GALNT17: variants seen among roughly 807,000 people sequenced by gnomAD.
GALNT17 encodes the protein polypeptide N-acetylgalactosaminyltransferase 17.
GALNT17 carries 29 observed loss-of-function variants against 63.7 expected under a neutral mutation model. The ratio of observed to expected loss-of-function variants is 0.46; its 90% CI spans 0.34 to 0.62. The LOEUF is 0.62. Ranked by LOEUF, GALNT17 falls within the 20% of genes least tolerant of loss-of-function variation. The pLI is 0.01. For missense variants in GALNT17, 603 were observed against 799.6 expected, an observed-to-expected ratio of 0.75 and a Z score of 2.97; for synonymous variants, 305 against 318.3, an observed-to-expected ratio of 0.96 and a Z score of 0.45.
At chr7:71,673,872 G>A (rs1305171050) in intron 8 of GALNT17, among the ~76,000 whole-genome samples, 2 of 152,152 alleles carry the variant, frequency 1.3e-5, no homozygotes, top group Non-Finnish European at 1.5e-5. Context: ...TCCCACTTCC[G>A]CCTCCCGAGT....
intron 5 of GALNT17, among the ~76,000 whole-genome samples, chr7:71,459,755 C>G (rs1232162762): frequency 2.0e-5 from 3 of 152,026 alleles, no homozygotes; most frequent in Non-Finnish European, 4.4e-5. Context: ...TTCTCTAGGC[C>G]CTCCCTATCC....
chr7:71,399,275 C>T (rs2960881), intron 3 of GALNT17, among the ~76,000 whole-genome samples: 117,205 of 152,056 alleles, frequency 0.77, 45,431 homozygotes, highest in African/African-American at 0.81. Context: ...AGGAATTTAC[C>T]GATCAGTTTC....
At chr7:71,558,918 A>G (rs563751742) in intron 5 of GALNT17, among the ~76,000 whole-genome samples, 2 of 152,318 alleles carry the variant, frequency 1.3e-5, no homozygotes, top group East Asian at 3.9e-4. Context: ...TTTTTTCTGC[A>G]TCTGTGAAAA....
intron 5 of GALNT17, among the ~76,000 whole-genome samples, chr7:71,441,593 C>G (rs751987380): frequency 1.3e-5 from 2 of 152,078 alleles, no homozygotes; most frequent in Non-Finnish European, 2.9e-5. Context: ...AGGTTTTAAG[C>G]CCTGCATGCA....
At chr7:71,431,402 G>T (rs2116487991) in intron 5 of GALNT17, among the ~76,000 whole-genome samples, 1 of 151,680 alleles carries the variant, frequency 6.6e-6, no homozygotes, top group East Asian at 1.9e-4. Flanking sequence ...ATAGAGATGG[G>T]TTTTGCCATG....
At chr7:71,242,427 C>G (rs912977107) in intron 1 of GALNT17, among the ~76,000 whole-genome samples, 8 of 151,778 alleles carry the variant, frequency 5.3e-5, no homozygotes, top group Non-Finnish European at 8.8e-5. Flanking sequence ...TACCACCACG[C>G]CCGGCTAATT....
intron 1 of GALNT17, among the ~76,000 whole-genome samples, chr7:71,233,539 A>G (rs1789832114): frequency 6.6e-6 from 1 of 152,198 alleles, no homozygotes; most frequent in Non-Finnish European, 1.5e-5. Context: ...TGATCTGTGC[A>G]AGAGTTCCCT....
In GALNT17 at chr7:71,616,516, T is replaced by C. The variant is rs140469560; in HGVS notation, c.1080+45114T>C. The stretch of plus-strand genomic sequence containing the variant: ...ATAACTAATATATAAATATTTGATA[T>C]GTTAATACATTATATGTAATATAAA... On this transcript the variant is annotated intron_variant, in intron 6 of 10. Transcript: ENST00000333538. 1.3e-4 allele frequency among the ~76,000 whole-genome samples: 19 copies of C among 147,224 alleles called. No individual in the cohort carries two copies. The East Asian group carries it at 3.7e-3, about 29-fold the overall frequency.
At chr7:71,670,191 C>CTCAT in intron 8 of GALNT17, 82 bp downstream of exon 8, 1 of 1,578,056 alleles carries the variant, frequency 6.3e-7, no homozygotes, top group Non-Finnish European at 8.7e-7. Context: ...AATAGAGTTG[C>CTCAT]TCATTCATTC....
chr7:71,701,803 GTATATA>G (rs1554326539), intron 9 of GALNT17, among the ~76,000 whole-genome samples: 30 of 30,728 alleles, frequency 9.8e-4, no homozygotes, highest in South Asian at 3.3e-3. Flanking sequence ...GTGTGTGTGT[GTATATA>G]TATATACACA....
chr7:71,388,713 GATGGGGTTTCACC>G (rs1792996798), intron 3 of GALNT17, among the ~76,000 whole-genome samples: 2 of 151,942 alleles, frequency 1.3e-5, no homozygotes, highest in Non-Finnish European at 2.9e-5. Flanking sequence ...TTTTAGTAGA[GATGGGGTTTCACC>G]ATGTTGGCCA....
At chr7:71,676,418 C>T (rs1164650682) in intron 8 of GALNT17, among the ~76,000 whole-genome samples, 1 of 150,742 alleles carries the variant, frequency 6.6e-6, no homozygotes, top group Non-Finnish European at 1.5e-5. Context: ...AGGTCTTGCT[C>T]TGTCGCCCAG....
chr7:71,134,700 C>G (rs866914046), intron 1 of GALNT17, among the ~76,000 whole-genome samples: 1 of 152,014 alleles, frequency 6.6e-6, no homozygotes, highest in South Asian at 2.1e-4. Flanking sequence ...CAGAAACTTA[C>G]GGGGTGGCCT....
chr7:71,545,921 A>C (rs908908394), intron 5 of GALNT17, among the ~76,000 whole-genome samples: 1 of 152,136 alleles, frequency 6.6e-6, no homozygotes, highest in African/African-American at 2.4e-5. Flanking sequence ...GCTACTGTGC[A>C]TGTACATTTC....
intron 3 of GALNT17, among the ~76,000 whole-genome samples, chr7:71,390,347 G>T (rs1347921202): frequency 6.6e-6 from 1 of 152,120 alleles, no homozygotes; most frequent in African/African-American, 2.4e-5. Flanking sequence ...TTCTGAACCG[G>T]CCCACTCTTC....
chr7:71,666,912 A>G (rs771965401), intron 7 of GALNT17, among the ~76,000 whole-genome samples: 4 of 152,256 alleles, frequency 2.6e-5, no homozygotes, highest in Non-Finnish European at 5.9e-5. Context: ...GGTTGGCTGT[A>G]CCTTATTTTC....
chr7:71,171,099 T>A (rs1333221745), intron 1 of GALNT17, among the ~76,000 whole-genome samples: 1 of 152,204 alleles, frequency 6.6e-6, no homozygotes, highest in African/African-American at 2.4e-5. Flanking sequence ...GAATAATTCT[T>A]TTAGAAAGAT....
intron 1 of GALNT17, among the ~76,000 whole-genome samples, chr7:71,160,139 A>G (rs1481170682): frequency 6.6e-6 from 1 of 152,160 alleles, no homozygotes; most frequent in Non-Finnish European, 1.5e-5. Context: ...GAAACAGGGA[A>G]AAATGGAAAT....
chr7:71,470,705 A>G (rs1444456174), intron 5 of GALNT17, among the ~76,000 whole-genome samples: 1 of 152,120 alleles, frequency 6.6e-6, no homozygotes, highest in East Asian at 1.9e-4. Context: ...AAAACAAGTG[A>G]CTAGGAATCA....
Sources: allele counts gnomAD v4.1 joint callset (sites outside exome capture counted in the v4.1 genomes callset), GRCh38; gene constraint gnomAD v4.1.1; transcripts MANE v1.5; gene names NCBI Gene and HGNC (gene_info 2026-07-23, HGNC 2026-07-21).